The following TENM4 variants were observed in gnomAD, a reference collection of about 807,000 sequenced individuals.
TENM4 encodes teneurin-4.
A neutral mutation model predicts 243.3 loss-of-function variants in TENM4; 82 were observed. The observed-to-expected ratio is 0.34, with a 90% CI of 0.28 to 0.40. The LOEUF (loss-of-function observed/expected upper bound fraction) is 0.40, where lower values mean the gene tolerates loss of function less well. TENM4 is among the 10% of genes least tolerant of loss of function. TENM4 has a pLI of 1.00. For missense variants in TENM4, 3,138 were observed against 3,673.3 expected, an observed-to-expected ratio of 0.85 and a Z score of 3.77; for synonymous variants, 1,412 against 1,456.3, an observed-to-expected ratio of 0.97 and a Z score of 0.69.
chr11:78,869,826 T>G (rs752354998), intron 9 of TENM4, among the ~76,000 whole-genome samples: 7 of 152,130 alleles, frequency 4.6e-5, no homozygotes, highest in Non-Finnish European at 1.0e-4. Context: ...AAAAAAAAAT[T>G]TTAAGACAAA....
At chr11:78,959,019 C>T (rs1857263701) in intron 6 of TENM4, among the ~76,000 whole-genome samples, 1 of 152,218 alleles carries the variant, frequency 6.6e-6, no homozygotes, top group Non-Finnish European at 1.5e-5. Flanking sequence ...CCAATGCTTT[C>T]AGAGGTTGGA....
chr11:79,235,486 A>C (rs1864448077), intron 2 of TENM4, among the ~76,000 whole-genome samples: 1 of 152,132 alleles, frequency 6.6e-6, no homozygotes. Context: ...TGCTCAAGAT[A>C]GGGACCCTAG....
chr11:79,158,150 T>C (rs1195673502), intron 3 of TENM4, among the ~76,000 whole-genome samples: 1 of 152,232 alleles, frequency 6.6e-6, no homozygotes, highest in African/African-American at 2.4e-5. Flanking sequence ...GCTTAGGACT[T>C]TCTGCAGATT....
At chr11:79,185,810 C>T (rs563336786) in intron 3 of TENM4, among the ~76,000 whole-genome samples, 10 of 152,250 alleles carry the variant, frequency 6.6e-5, no homozygotes, top group African/African-American at 2.4e-4. Flanking sequence ...AGAGTCTTTC[C>T]CTTTTCAAAA....
intron 1 of TENM4, among the ~76,000 whole-genome samples, chr11:79,414,922 C>A (rs541189502): frequency 6.6e-6 from 1 of 152,292 alleles, no homozygotes; most frequent in East Asian, 1.9e-4. Flanking sequence ...TTAGACACGG[C>A]CTCAGCTGAC....
chr11:79,215,989 G>A, intron 2 of TENM4, 80 bp from the exon 3 acceptor site: 1 of 344,488 alleles, frequency 2.9e-6, no homozygotes, highest in Non-Finnish European at 4.1e-6. Flanking sequence ...CTCCGCTCCA[G>A]CAGTCATTGC....
rs112089939 is a variant in TENM4, at chr11:78,754,018, C to T, written c.2756+2787G>A. ...TAAAATAGATAATATGTCCATCCTT[C>T]CTCCCTCCCTCAGTTCTTCCATTTC... On this transcript the variant is annotated intron_variant, in intron 19 of 33. Transcript: ENST00000278550. Among the ~76,000 whole-genome samples, 1,140 of 152,252 alleles carry T rather than the reference C, an allele frequency of 7.5e-3. 6 individuals carry two copies. The highest frequency in any genetic ancestry group is 0.012 in the Non-Finnish European group (787 of 68,030).
At position 79,177,135 on chromosome 11, in the gene TENM4, CT is replaced by C. The variant is rs958456636; in HGVS notation, c.-162-28330del. Reference sequence around the variant, plus strand: ...GTTGTTTTAAACGAATTGTTTAAACCTTTTTTTTTTCAAAGCAGTGGAAACT... The same window carrying C: ...GTTGTTTTAAACGAATTGTTTAAACCTTTTTTTTTCAAAGCAGTGGAAACT... On this transcript the variant is annotated intron_variant, in intron 3 of 33. Transcript: ENST00000278550. 9.3e-4 allele frequency among the ~76,000 whole-genome samples: 129 copies of C among 139,192 alleles called. 1 individual carries two copies. Among genetic ancestry groups the C allele is most frequent in the East Asian group, 2.0e-3 (10 of 5,064 alleles). The allele number at this position is 139,192 out of a possible 152,430, so 91.3% of individuals were successfully genotyped here. A position where few individuals can be genotyped will look rare whatever the true frequency, so the allele number is the denominator to read the frequency against.
chr11:78,786,797 C>T (rs940231201), intron 16 of TENM4, 101 bp downstream of exon 16: 11 of 1,476,262 alleles, frequency 7.5e-6, no homozygotes, highest in Admixed American at 6.1e-5. Flanking sequence ...TCTTCCCCAT[C>T]CCCACATGCG....
At chr11:78,917,742 C>G (rs1046640581) in intron 6 of TENM4, among the ~76,000 whole-genome samples, 1 of 152,162 alleles carries the variant, frequency 6.6e-6, no homozygotes, top group African/African-American at 2.4e-5. Flanking sequence ...CTTTCCATTT[C>G]ATCTTCCCAA....
At chr11:78,757,970 A>G (rs572536097) in intron 18 of TENM4, among the ~76,000 whole-genome samples, 1 of 152,376 alleles carries the variant, frequency 6.6e-6, no homozygotes, top group South Asian at 2.1e-4. Flanking sequence ...AAGTACAAAG[A>G]AAGTCCACCA....
At chr11:79,407,141 T>A (rs1208944775) in intron 1 of TENM4, among the ~76,000 whole-genome samples, 1 of 152,208 alleles carries the variant, frequency 6.6e-6, no homozygotes, top group Non-Finnish European at 1.5e-5. Context: ...CCTAACTATG[T>A]GTCAGATTTC....
At chr11:79,038,401 C>A (rs1859439742) in intron 6 of TENM4, among the ~76,000 whole-genome samples, 1 of 152,232 alleles carries the variant, frequency 6.6e-6, no homozygotes, top group Non-Finnish European at 1.5e-5. Context: ...TCAATGCCAT[C>A]TTTAACTGTC....
At chr11:79,406,840 C>G (rs1307335944) in intron 1 of TENM4, among the ~76,000 whole-genome samples, 1 of 152,120 alleles carries the variant, frequency 6.6e-6, no homozygotes, top group African/African-American at 2.4e-5. Flanking sequence ...TATATTTACT[C>G]TGATCTTTCC....
intron 18 of TENM4, among the ~76,000 whole-genome samples, chr11:78,770,479 T>TA (rs1329739885): frequency 2.6e-5 from 4 of 152,184 alleles, no homozygotes; most frequent in East Asian, 3.9e-4. Flanking sequence ...TCTAGCACTT[T>TA]AAAAAAACCC....
intron 6 of TENM4, among the ~76,000 whole-genome samples, chr11:78,925,677 G>T (rs73500682): frequency 6.6e-6 from 1 of 152,064 alleles, no homozygotes; most frequent in Non-Finnish European, 1.5e-5. Context: ...GTTCCAGAAG[G>T]TCACCTCCCT....
At chr11:78,706,646 T>A (rs538994281) in intron 27 of TENM4, among the ~76,000 whole-genome samples, 2 of 152,134 alleles carry the variant, frequency 1.3e-5, no homozygotes, top group South Asian at 2.1e-4. Flanking sequence ...GGTTTTAGCA[T>A]TTTTTTCCCC....
Position 78,747,345 on chromosome 11 carries a change from A to G in TENM4, c.2757-8775T>C, listed in dbSNP as rs11237598. Among the ~76,000 whole-genome samples the G allele has an allele frequency of 0.026, 3,955 of 152,302 alleles. 256 individuals are homozygous for G. In the East Asian group the frequency reaches 0.29, roughly 11 times the overall value. On this transcript the variant is annotated intron_variant, in intron 19 of 33. Coordinates refer to ENST00000278550, the MANE Select transcript of TENM4 (RefSeq NM_001098816.3). ...CAGGGCACTAGGCTGCTGAAGTCAGACACAGAAAGTGGGGCCAGGATTCAG... is the reference window on the plus strand; with the variant it reads ...CAGGGCACTAGGCTGCTGAAGTCAGGCACAGAAAGTGGGGCCAGGATTCAG...
chr11:79,012,830 C>T (rs914026598), intron 6 of TENM4, among the ~76,000 whole-genome samples: 12 of 152,166 alleles, frequency 7.9e-5, no homozygotes, highest in African/African-American at 2.7e-4. Context: ...AGCTCCATGG[C>T]ACCAGTGCAC....
Sources: gnomAD v4.1 joint callset for allele counts (sites outside exome capture counted in the v4.1 genomes callset) on GRCh38, gnomAD v4.1.1 for gene constraint, MANE v1.5 for transcripts, NCBI Gene and HGNC (gene_info 2026-07-23, HGNC 2026-07-21) for gene names.